The following SND1 variants were observed in gnomAD, a reference collection of about 807,000 sequenced individuals.
The protein encoded by SND1 is staphylococcal nuclease and tudor domain containing 1, also known as staphylococcal nuclease domain-containing protein 1.
A neutral mutation model predicts 121.7 loss-of-function variants in SND1; 38 were observed. The ratio of observed to expected loss-of-function variants is 0.31; its 90% CI spans 0.24 to 0.41. The LOEUF is 0.41. SND1 is among the 10% of genes least tolerant of loss of function. The probability of loss-of-function intolerance (pLI) is 1.00; values close to 1 mark genes in which losing one functional copy is unlikely to be tolerated. For missense variants in SND1, 868 were observed against 1,184.6 expected, an observed-to-expected ratio of 0.73 and a Z score of 3.92; for synonymous variants, 401 against 447.4, an observed-to-expected ratio of 0.90 and a Z score of 1.31.
chr7:127,774,956 C>G (rs904926357), intron 10 of SND1, among the ~76,000 whole-genome samples: 1 of 152,200 alleles, frequency 6.6e-6, no homozygotes, highest in Non-Finnish European at 1.5e-5. Flanking sequence ...GTTACAGTTG[C>G]CTACACTATT....
chr7:127,693,711 G>A (rs536056625), intron 2 of SND1, among the ~76,000 whole-genome samples: 3 of 152,294 alleles, frequency 2.0e-5, no homozygotes, highest in African/African-American at 7.2e-5. Flanking sequence ...TATGCATATT[G>A]TATATCACTT....
At chr7:127,950,988 G>A (rs1388487764) in intron 15 of SND1, among the ~76,000 whole-genome samples, 1 of 152,146 alleles carries the variant, frequency 6.6e-6, no homozygotes, top group Non-Finnish European at 1.5e-5. Context: ...TGGTTCAGCT[G>A]CTATGGAAAG....
chr7:128,018,909 C>T (rs561907461), intron 16 of SND1, among the ~76,000 whole-genome samples: 1 of 152,322 alleles, frequency 6.6e-6, no homozygotes, highest in African/African-American at 2.4e-5. Flanking sequence ...AACTTCATTG[C>T]TGTTAAGGCC....
intron 16 of SND1, among the ~76,000 whole-genome samples, chr7:128,039,487 G>A (rs1486540433): frequency 6.6e-6 from 1 of 151,590 alleles, no homozygotes; most frequent in Non-Finnish European, 1.5e-5. Flanking sequence ...TTACTAGCCT[G>A]ATTTTTTTTT....
intron 10 of SND1, among the ~76,000 whole-genome samples, chr7:127,738,833 C>T (rs986355741): frequency 3.9e-5 from 6 of 152,056 alleles, no homozygotes; most frequent in African/African-American, 1.4e-4. Context: ...CCCTGTATGA[C>T]CCTCCAGGGT....
chr7:127,861,897 C>T (rs1468612107), intron 12 of SND1, among the ~76,000 whole-genome samples: 2 of 152,176 alleles, frequency 1.3e-5, no homozygotes, highest in South Asian at 2.1e-4. Flanking sequence ...AGAGCATGGC[C>T]GTGTCCACCT....
intron 11 of SND1, among the ~76,000 whole-genome samples, chr7:127,812,746 G>A (rs1259210197): frequency 6.6e-6 from 1 of 152,140 alleles, no homozygotes; most frequent in African/African-American, 2.4e-5. Context: ...TCCTGAGGAG[G>A]ACTCCACCCT....
chr7:128,039,313 A>G (rs1792808432), intron 16 of SND1, among the ~76,000 whole-genome samples: 1 of 152,016 alleles, frequency 6.6e-6, no homozygotes. Flanking sequence ...AGGCCCCTGC[A>G]TCTTGTTTCC....
At chr7:127,986,948 G>A (rs1802405714) in intron 15 of SND1, among the ~76,000 whole-genome samples, 1 of 152,202 alleles carries the variant, frequency 6.6e-6, no homozygotes, top group South Asian at 2.1e-4. Flanking sequence ...AAAATAGTTT[G>A]TTTCTTAAAG....
chr7:127,894,214 G>A (rs1011676461), intron 13 of SND1, among the ~76,000 whole-genome samples: 1 of 152,064 alleles, frequency 6.6e-6, no homozygotes, highest in Admixed American at 6.6e-5. Flanking sequence ...GTTTGTAGCA[G>A]TGACTTGTAA....
At chr7:127,946,693 C>T (rs1236970308) in intron 15 of SND1, among the ~76,000 whole-genome samples, 1 of 152,206 alleles carries the variant, frequency 6.6e-6, no homozygotes, top group African/African-American at 2.4e-5. Flanking sequence ...ATCTGATGCA[C>T]CTTTCACAGA....
At chr7:127,900,387 C>T (rs946466656) in intron 13 of SND1, among the ~76,000 whole-genome samples, 18 of 151,926 alleles carry the variant, frequency 1.2e-4, no homozygotes, top group African/African-American at 4.4e-4. Context: ...CTGCGGTGCT[C>T]AGACATCCAG....
At chr7:127,716,244 AATC>A (rs1228476594) in intron 9 of SND1, among the ~76,000 whole-genome samples, 20 of 152,178 alleles carry the variant, frequency 1.3e-4, no homozygotes, top group Non-Finnish European at 1.5e-5. Flanking sequence ...TTTCCATAAA[AATC>A]ATCACTGGGA....
At chr7:128,090,043 C>T (rs769507170) in intron 22 of SND1, among the ~76,000 whole-genome samples, 4 of 152,120 alleles carry the variant, frequency 2.6e-5, no homozygotes, top group Non-Finnish European at 4.4e-5. Flanking sequence ...CAGACAGCTT[C>T]CAAGTCAATA....
intron 12 of SND1, among the ~76,000 whole-genome samples, chr7:127,883,242 G>T (rs1263615010): frequency 6.6e-6 from 1 of 152,060 alleles, no homozygotes; most frequent in Non-Finnish European, 1.5e-5. Context: ...AAACCGTGGG[G>T]TCCAATATTA....
At chr7:128,075,389 G>A (rs1195288920) in intron 17 of SND1, among the ~76,000 whole-genome samples, 3 of 152,206 alleles carry the variant, frequency 2.0e-5, no homozygotes, top group Admixed American at 6.5e-5. Flanking sequence ...TGGGACAGCC[G>A]TGCTGAGCTA....
chr7:128,065,136 A>T (rs891322132), intron 16 of SND1, among the ~76,000 whole-genome samples: 4 of 152,264 alleles, frequency 2.6e-5, no homozygotes. Flanking sequence ...GAAAAAGGAA[A>T]TCGGGAAGGT....
chr7:127,924,719 A>G (rs1800795564), intron 14 of SND1, among the ~76,000 whole-genome samples: 1 of 152,142 alleles, frequency 6.6e-6, no homozygotes, highest in Non-Finnish European at 1.5e-5. Flanking sequence ...CTACCCACCC[A>G]AATCTCCCAT....
intron 10 of SND1, among the ~76,000 whole-genome samples, chr7:127,796,392 A>G (rs1055199928): frequency 6.6e-6 from 1 of 152,174 alleles, no homozygotes; most frequent in Non-Finnish European, 1.5e-5. Flanking sequence ...TAAATTTTTT[A>G]GATAGGTCTT....
Sources: allele counts gnomAD v4.1 joint callset (sites outside exome capture counted in the v4.1 genomes callset), GRCh38; gene constraint gnomAD v4.1.1; transcripts MANE v1.5; gene names NCBI Gene and HGNC (gene_info 2026-07-23, HGNC 2026-07-21).